The following DAG1 variants were observed in gnomAD, a reference collection of about 807,000 sequenced individuals.
DAG1 encodes the protein dystroglycan 1.
DAG1 carries 8 observed loss-of-function variants against 46.1 expected under a neutral mutation model. The observed-to-expected ratio is 0.17, with a 90% CI of 0.10 to 0.31. The LOEUF is 0.31. Among genes scored for constraint, DAG1 ranks in the 10% least tolerant of loss-of-function variants. DAG1 has a pLI of 1.00. For missense variants in DAG1, 1,003 were observed against 1,189.9 expected (o/e 0.84, Z 2.31); for synonymous variants, 495 against 481.8 (o/e 1.03, Z -0.36).
intron 1 of DAG1, among the ~76,000 whole-genome samples, chr3:49,486,524 CT>C (rs1043310368): frequency 6.8e-6 from 1 of 147,734 alleles, no homozygotes; most frequent in Non-Finnish European, 1.5e-5. Context: ...GGCCCTTTTT[CT>C]TTTTTTTGAG....
At chr3:49,500,296 C>A (rs1385390945) in intron 1 of DAG1, among the ~76,000 whole-genome samples, 1 of 152,214 alleles carries the variant, frequency 6.6e-6, no homozygotes, top group Non-Finnish European at 1.5e-5. Context: ...AGGCGTGAGC[C>A]ACTGCACCTA....
Position 49,479,628 on chromosome 3 carries a change from CTTTTTTTTTTTTT to C in DAG1, c.-117+9210_-117+9222del, listed in dbSNP as rs71080522. Among the ~76,000 whole-genome samples the C allele has an allele frequency of 0.01, 488 of 47,240 alleles. 23 individuals are homozygous for C. In the East Asian group the frequency reaches 0.16, roughly 16 times the overall value. The allele number at this position is 47,240 out of a possible 152,430, so 31.0% of individuals were successfully genotyped here. On this transcript the variant is annotated intron_variant, in intron 1 of 2. Coordinates refer to ENST00000308775, the MANE Select transcript of DAG1 (RefSeq NM_004393.6). ...CTGCGCCGGCCTGAATATAACATTT[CTTTTTTTTTTTTT>C]TTTTTTTTTTTTTTGAGACCGAGTC...
intron 2 of DAG1, among the ~76,000 whole-genome samples, chr3:49,528,936 C>T (rs933964833): frequency 1.1e-4 from 17 of 151,818 alleles, no homozygotes; most frequent in Non-Finnish European, 1.6e-4. Context: ...CTGCAACCTC[C>T]GCTTCCCAGG....
chr3:49,479,205 C>T (rs1435363253), intron 1 of DAG1, among the ~76,000 whole-genome samples: 3 of 152,088 alleles, frequency 2.0e-5, no homozygotes, highest in Non-Finnish European at 4.4e-5. Context: ...CCATCTATCC[C>T]CTCAGCCTGT....
intron 1 of DAG1, among the ~76,000 whole-genome samples, chr3:49,508,460 G>A (rs567324307): frequency 4.9e-4 from 74 of 152,008 alleles, no homozygotes; most frequent in Non-Finnish European, 9.1e-4. Flanking sequence ...GTGCAGTGGT[G>A]CAGTCTCCGC....
At chr3:49,524,933 C>T (rs948537236) in intron 2 of DAG1, among the ~76,000 whole-genome samples, 79 of 152,120 alleles carry the variant, frequency 5.2e-4, no homozygotes, top group African/African-American at 1.7e-3. Context: ...GCCATGATCA[C>T]ACTACTGAAT....
chr3:49,499,430 T>A (rs3870339), intron 1 of DAG1, among the ~76,000 whole-genome samples: 112,051 of 151,930 alleles, frequency 0.74, 41,791 homozygotes, highest in East Asian at 0.99. Flanking sequence ...TACTTAAAAA[T>A]ATATATATCT....
At chr3:49,530,650 T>C (rs1408609310) in intron 2 of DAG1, 147 bp from the exon 3 acceptor site, 2 of 1,152,936 alleles carry the variant, frequency 1.7e-6, no homozygotes, top group Non-Finnish European at 2.5e-6. Flanking sequence ...CTCAGTTGTG[T>C]CTCTCTAGGG....
At chr3:49,494,027 T>A (rs1295757368) in intron 1 of DAG1, among the ~76,000 whole-genome samples, 1 of 152,094 alleles carries the variant, frequency 6.6e-6, no homozygotes, top group Non-Finnish European at 1.5e-5. Flanking sequence ...AAAGGGCCAA[T>A]TAGAACCATC....
chr3:49,478,802 CTTT>C (rs201202889), intron 1 of DAG1, among the ~76,000 whole-genome samples: 26 of 76,004 alleles, frequency 3.4e-4, no homozygotes, highest in African/African-American at 1.0e-3. Context: ...CGTCCCCTCC[CTTT>C]TTTTTTTTTT....
At chr3:49,480,664 C>A (rs1305673385) in intron 1 of DAG1, among the ~76,000 whole-genome samples, 1 of 141,064 alleles carries the variant, frequency 7.1e-6, no homozygotes, top group East Asian at 2.0e-4. Flanking sequence ...TGTTTTTCTT[C>A]TTATTATTTG....
chr3:49,535,522 T>G lies in DAG1; in HGVS notation c.*2323T>G, dbSNP rs1258484408. ...TTCAAGTGTTCACCAACCACTGATG[T>G]GTTTTTATTTCCTTCTATATGATTT... On this transcript the variant is annotated 3_prime_UTR_variant, in exon 3 of 3. Coordinates refer to ENST00000308775, the MANE Select transcript of DAG1 (RefSeq NM_004393.6). The G allele has an allele frequency of 6.5e-6, 1 of 152,730 alleles. No homozygotes were observed. The highest frequency in any genetic ancestry group is 1.5e-5 in the Non-Finnish European group (1 of 68,058). The allele number at this position is 152,730 out of a possible 1,614,324, so 9.5% of individuals were successfully genotyped here.
rs141697036 is a variant in DAG1 at position 49,532,611 on chromosome 3, T to G, written c.2100T>G (p.Phe700Leu). ...PAFSNALEPDFKATSITVTGS... is the reference protein window; with the variant it reads ...PAFSNALEPDLKATSITVTGS... Reference sequence around the variant, plus strand: ...TCTCCAACGCCCTAGAGCCTGACTTTAAGGCCACAAGCATCACTGTGACGG... The same window carrying G: ...TCTCCAACGCCCTAGAGCCTGACTTGAAGGCCACAAGCATCACTGTGACGG... Residue 700 changes from phenylalanine to leucine, a missense_variant, in exon 3 of 3, where the codon TTT (phenylalanine) becomes TTG (leucine). This residue lies in a region of DAG1 where 755 missense variants were observed against 854.1 expected (regional missense o/e 0.88). Transcript: ENST00000308775. This position sits in a 1 kb window ranked among gnomAD's most constrained non-coding sequence, Gnocchi z 5.4. The G allele has an allele frequency of 1.9e-6, 3 of 1,613,022 alleles. No homozygotes were observed. The highest frequency in any genetic ancestry group is 2.5e-6 in the Non-Finnish European group (3 of 1,179,126).
At chr3:49,504,101 A>G (rs1431312276) in intron 1 of DAG1, among the ~76,000 whole-genome samples, 1 of 152,156 alleles carries the variant, frequency 6.6e-6, no homozygotes, top group Admixed American at 6.5e-5. Context: ...TTGCCACAGG[A>G]TATTTTATGT....
At chr3:49,529,248 G>T (rs906276994) in intron 2 of DAG1, among the ~76,000 whole-genome samples, 7 of 151,956 alleles carry the variant, frequency 4.6e-5, no homozygotes, top group Non-Finnish European at 8.8e-5. Context: ...GGCCAGGGTG[G>T]TCTCTAATGC....
intron 1 of DAG1, among the ~76,000 whole-genome samples, chr3:49,493,426 C>T (rs2050237787): frequency 6.6e-6 from 1 of 151,976 alleles, no homozygotes; most frequent in African/African-American, 2.4e-5. Flanking sequence ...CCCACTTTTT[C>T]CTGTGTGCTG....
At chr3:49,510,874 T>G (rs1012652316) in intron 2 of DAG1, 55 bp downstream of exon 2, 2 of 1,594,548 alleles carry the variant, frequency 1.3e-6, no homozygotes, top group Admixed American at 1.8e-5. Flanking sequence ...CCATTTTAGT[T>G]TTGGTGGCTT....
chr3:49,495,734 A>G (rs1332851781), intron 1 of DAG1, among the ~76,000 whole-genome samples: 6 of 152,120 alleles, frequency 3.9e-5, no homozygotes, highest in Admixed American at 3.3e-4. Context: ...AGCCTGGCCA[A>G]TACGGTGAAA....
intron 1 of DAG1, chr3:49,487,504 G>T (rs909630374): frequency 7.2e-5 from 11 of 152,122 alleles, no homozygotes; most frequent in African/African-American, 2.7e-4. Flanking sequence ...TTACTCTCTA[G>T]CTTCCCTCTT....
Sources: allele counts gnomAD v4.1 joint callset (sites outside exome capture counted in the v4.1 genomes callset), GRCh38; gene constraint gnomAD v4.1.1; regional missense constraint gnomAD v4.1.1; non-coding constraint Gnocchi (gnomAD v3.1); transcripts MANE v1.5; gene names NCBI Gene and HGNC (gene_info 2026-07-23, HGNC 2026-07-21).